PPP6R2: variants seen among roughly 807,000 people sequenced by gnomAD.
PPP6R2 encodes serine/threonine-protein phosphatase 6 regulatory subunit 2.
In PPP6R2, 62 loss-of-function variants were observed where a neutral mutation model predicts 100.2. The ratio of observed to expected loss-of-function variants is 0.62; its 90% CI spans 0.50 to 0.76. The LOEUF is 0.76. Ranked by LOEUF, PPP6R2 falls within the 30% of genes least tolerant of loss-of-function variation. PPP6R2 has a pLI of 0.00. For missense variants in PPP6R2, 1,142 were observed against 1,276.3 expected (o/e 0.89, Z 1.60); for synonymous variants, 525 against 514.7 (o/e 1.02, Z -0.27).
chr22:50,338,634 T>C (rs923902967), upstream of PPP6R2, among the ~76,000 whole-genome samples: 1 of 141,842 alleles, frequency 7.1e-6, no homozygotes, highest in Non-Finnish European at 1.5e-5. Context: ...GTATATGGTG[T>C]GTGGTGTCTG....
At chr22:50,350,096 C>T (rs2044694486) in intron 1 of PPP6R2, among the ~76,000 whole-genome samples, 1 of 151,874 alleles carries the variant, frequency 6.6e-6, no homozygotes, top group Admixed American at 6.6e-5. Flanking sequence ...CCAGCCTAGG[C>T]AACAGAGCAA....
chr22:50,399,023 G>A (rs1164414309), intron 3 of PPP6R2, among the ~76,000 whole-genome samples: 2 of 152,088 alleles, frequency 1.3e-5, no homozygotes, highest in African/African-American at 4.8e-5. Flanking sequence ...TGAGGCGGGC[G>A]GATCATGAGG....
chr22:50,413,037 C>G (rs1350523946), intron 4 of PPP6R2, among the ~76,000 whole-genome samples: 1 of 149,900 alleles, frequency 6.7e-6, no homozygotes, highest in Non-Finnish European at 1.5e-5. Context: ...CTTGGCTTAC[C>G]GCAATCTCCG....
At chr22:50,362,595 G>A (rs1041112393) in intron 1 of PPP6R2, among the ~76,000 whole-genome samples, 1 of 152,152 alleles carries the variant, frequency 6.6e-6, no homozygotes, top group Non-Finnish European at 1.5e-5. Context: ...GAATTGTGTC[G>A]TGTCCACCCC....
chr22:50,339,598 G>T (rs369168650), upstream of PPP6R2, among the ~76,000 whole-genome samples: 6 of 114,314 alleles, frequency 5.2e-5, no homozygotes, highest in Admixed American at 9.0e-5. Context: ...GTGTGGTATG[G>T]TGTGTGCGGT....
chr22:50,352,251 G>C (rs1345104204), intron 1 of PPP6R2, among the ~76,000 whole-genome samples: 3 of 152,244 alleles, frequency 2.0e-5, no homozygotes, highest in South Asian at 2.1e-4. Flanking sequence ...GGCATTTGCT[G>C]TTTCACCTTG....
rs552257389 is a variant in PPP6R2 at position 50,442,236 on chromosome 22, G to A, written c.2579+1210G>A. Reference sequence around the variant, plus strand: ...CAGAGGGTCCTGCTCACTGACCCCCGGCAATCCTGGAGAGTCTGTGTGGTA... The same window carrying A: ...CAGAGGGTCCTGCTCACTGACCCCCAGCAATCCTGGAGAGTCTGTGTGGTA... On this transcript the variant is annotated intron_variant, in intron 22 of 23. Transcript: ENST00000612753. 2.6e-3 allele frequency among the ~76,000 whole-genome samples: 391 copies of A among 152,326 alleles called. 2 individuals carry two copies. Among genetic ancestry groups the A allele is most frequent in the African/African-American group, 7.3e-3 (303 of 41,572 alleles).
chr22:50,378,716 C>CAA (rs1555995644), intron 2 of PPP6R2, among the ~76,000 whole-genome samples: 1 of 82,318 alleles, frequency 1.2e-5, no homozygotes, highest in African/African-American at 3.6e-5. Flanking sequence ...CCCATCTCTA[C>CAA]AAAAAAAAAA....
At chr22:50,351,819 A>T (rs1602085564) in intron 1 of PPP6R2, among the ~76,000 whole-genome samples, 2 of 150,240 alleles carry the variant, frequency 1.3e-5, no homozygotes, top group African/African-American at 4.9e-5. Flanking sequence ...TTTGAAACGG[A>T]GTCTTGCTCT....
rs1040326266 is a variant in PPP6R2, at chr22:50,430,448, C to T, written c.1126-725C>T. Among the ~76,000 whole-genome samples, 18 of 152,206 alleles carry T rather than the reference C, an allele frequency of 1.2e-4. 1 individual carries two copies. Among genetic ancestry groups the T allele is most frequent in the Admixed American group, 5.9e-4 (9 of 15,286 alleles). The stretch of plus-strand genomic sequence containing the variant: ...AAAGGAACTTCTCACATACTTAGAA[C>T]TGAAGAATCATAAAAATACTACTTA... On this transcript the variant is annotated intron_variant, in intron 10 of 23. Transcript: ENST00000612753.
chr22:50,338,330 GTGGTA>G (rs2042326529), upstream of PPP6R2, among the ~76,000 whole-genome samples: 1 of 107,658 alleles, frequency 9.3e-6, no homozygotes, highest in African/African-American at 5.4e-5. Flanking sequence ...TGGTGTGTGT[GTGGTA>G]TATGTAGTGT....
chr22:50,430,316 C>T (rs1382699570), intron 10 of PPP6R2, among the ~76,000 whole-genome samples: 8 of 152,206 alleles, frequency 5.3e-5, no homozygotes, highest in African/African-American at 1.7e-4. Context: ...CACAGTCTCA[C>T]GTTTGTGTGG....
chr22:50,406,580 T>A (rs1348997411), intron 3 of PPP6R2, 109 bp from the exon 4 acceptor site: 1 of 1,005,932 alleles, frequency 9.9e-7, no homozygotes, highest in Non-Finnish European at 1.5e-6. Context: ...GTCTGTAGTG[T>A]TTGTTTGATC....
intron 4 of PPP6R2, among the ~76,000 whole-genome samples, chr22:50,412,524 C>A (rs2059892618): frequency 6.6e-6 from 1 of 151,700 alleles, no homozygotes; most frequent in East Asian, 1.9e-4. Context: ...ATTTATTAGG[C>A]CATTAAACCT....
intron 10 of PPP6R2, among the ~76,000 whole-genome samples, chr22:50,429,577 C>T (rs2062780629): frequency 6.6e-6 from 1 of 152,130 alleles, no homozygotes; most frequent in Admixed American, 6.6e-5. Context: ...TTGTAGTGTC[C>T]TCATTCAGCT....
chr22:50,426,824 A>G (rs1603367233), intron 10 of PPP6R2, among the ~76,000 whole-genome samples: 1 of 98,932 alleles, frequency 1.0e-5, no homozygotes, highest in Admixed American at 1.4e-4. Context: ...ACAGAGCGAG[A>G]TTCTGTTTCA....
intron 3 of PPP6R2, among the ~76,000 whole-genome samples, chr22:50,403,542 A>G (rs1185897013): frequency 6.6e-6 from 1 of 152,238 alleles, no homozygotes; most frequent in Non-Finnish European, 1.5e-5. Context: ...ACTAAAGGCC[A>G]GAAAGTTCGG....
chr22:50,342,962 T>G (rs1476015386), upstream of PPP6R2, among the ~76,000 whole-genome samples: 5 of 152,158 alleles, frequency 3.3e-5, no homozygotes, highest in South Asian at 8.3e-4. Context: ...GAACAGGCCC[T>G]TTCCTGGGCC....
intron 1 of PPP6R2, among the ~76,000 whole-genome samples, chr22:50,359,207 C>G (rs912576792): frequency 7.1e-6 from 1 of 141,230 alleles, no homozygotes; most frequent in East Asian, 2.0e-4. Context: ...ATCCTGTTGG[C>G]CAGGCTGGTC....
Sources: gnomAD v4.1 joint callset for allele counts (sites outside exome capture counted in the v4.1 genomes callset) on GRCh38, gnomAD v4.1.1 for gene constraint, MANE v1.5 for transcripts, NCBI Gene and HGNC (gene_info 2026-07-23, HGNC 2026-07-21) for gene names.